The following TGM1 variants were observed in gnomAD, a reference collection of about 807,000 sequenced individuals.
TGM1 encodes protein-glutamine gamma-glutamyltransferase K.
Under a neutral mutation model 88.7 loss-of-function variants are expected in TGM1, and 63 were observed. The observed-to-expected ratio is 0.71, with a 90% confidence interval of 0.58 to 0.88. The LOEUF (loss-of-function observed/expected upper bound fraction) is 0.88, where lower values mean the gene tolerates loss of function less well. Among genes scored for constraint, TGM1 ranks in the 40% least tolerant of loss-of-function variants. The pLI is 0.00. For missense variants in TGM1, 996 were observed against 1,118.0 expected, an observed-to-expected ratio of 0.89 and a Z score of 1.56; for synonymous variants, 415 against 431.1, an observed-to-expected ratio of 0.96 and a Z score of 0.46.
At position 24,260,210 on chromosome 14, in the gene TGM1, ATGAC is replaced by A. The variant is rs1339105249; in HGVS notation, c.758-156_758-153del. On this transcript the variant is annotated intron_variant, in intron 4 of 14. Transcript: ENST00000206765. ...ACTGCTGTGGGAGGACACGGGGAGC[ATGAC>A]AGATGGTGGAGGAGATTGGCTGTAG... 5 of 937,070 alleles carry A rather than the reference ATGAC, an allele frequency of 5.3e-6. No homozygotes were observed. In the African/African-American group the frequency reaches 6.5e-5, roughly 12 times the overall value. The allele number at this position is 937,070 out of a possible 1,614,324, so 58.0% of individuals were successfully genotyped here.
rs202037016 is a variant in TGM1, at chr14:24,259,159, C to T, written c.1075G>A (p.Val359Met). Residue 359 changes from valine (V) to methionine (M), a missense_variant, in exon 7 of 15, where the codon GTG (valine) becomes ATG (methionine). Transcript: ENST00000206765. This position sits in a 1 kb window ranked among gnomAD's most constrained non-coding sequence, Gnocchi z 5.7. ...GTNPSAWVGS[V>M]EILLSYLRTG... Reference sequence around the variant, plus strand: ...CGTAGGTAGCTAAGCAGGATCTCCACGCTGCCCACCCACGCTGATGGGTTG... The same window carrying T: ...CGTAGGTAGCTAAGCAGGATCTCCATGCTGCCCACCCACGCTGATGGGTTG... The T allele has an allele frequency of 1.6e-5, 26 of 1,614,052 alleles. No individual in the cohort carries two copies. The highest frequency in any genetic ancestry group is 2.2e-5 in the East Asian group (1 of 44,894).
chr14:24,258,619 T>C lies in TGM1; in HGVS notation c.1214A>G (p.His405Arg). The C allele has an allele frequency of 6.2e-7, 1 of 1,614,180 alleles. No individual in the cohort carries two copies. Among genetic ancestry groups the C allele is most frequent in the Non-Finnish European group, 8.5e-7 (1 of 1,180,034 alleles). The change falls in exon 8 of 15, where the codon CAC becomes CGC. Residue 405 changes from histidine (H) to arginine (R), a missense_variant. Coordinates refer to ENST00000206765, the MANE Select transcript of TGM1 (RefSeq NM_000359.3). ...CATGGTAAGGGATGTGTCTGTGTCG[T>C]GGGCGGAGTTGAAGTTGGTGACAGT... is the stretch of plus-strand genomic sequence containing the variant. The part of the protein sequence containing the change: ...TRTVTNFNSA[H>R]DTDTSLTMDI...
In TGM1 at chr14:24,254,001, C is replaced by T. The variant is rs142814857; in HGVS notation, c.2225+151G>A. 377 of 1,052,238 alleles carry T rather than the reference C, an allele frequency of 3.6e-4. 1 individual carries two copies. The highest frequency in any genetic ancestry group is 8.8e-4 in the Middle Eastern group (3 of 3,414). The allele number at this position is 1,052,238 out of a possible 1,614,324, so 65.2% of individuals were successfully genotyped here. On this transcript the variant is annotated intron_variant, in intron 14 of 14. Coordinates refer to ENST00000206765, the MANE Select transcript of TGM1 (RefSeq NM_000359.3). ...TAAAGGCTGGTGGGACTGAGCTGGG[C>T]CGGGAGGTATTGCTAGCTGGCCCCA...
At chr14:24,252,122 G>A (rs567285077) in intron 14 of TGM1, among the ~76,000 whole-genome samples, 2 of 152,282 alleles carry the variant, frequency 1.3e-5, no homozygotes, top group East Asian at 1.9e-4. Context: ...TCTGATGTGC[G>A]AATGAGAGGC....
rs778232945 is a variant in TGM1, at chr14:24,259,048, C to G, written c.1159+27G>C. On this transcript the variant is annotated intron_variant, in intron 7 of 14. Coordinates refer to ENST00000206765, the MANE Select transcript of TGM1 (RefSeq NM_000359.3). The surrounding 1 kb of genome is among the most constrained non-coding windows in gnomAD (Gnocchi z 5.7). ...CTCCCTTCTCCCTGTAGGGCCCGGG[C>G]CACTCCTGTCCCAGTCCCTCCACTA... The G allele has an allele frequency of 6.2e-7, 1 of 1,612,912 alleles. No individual in the cohort carries two copies. The highest frequency in any genetic ancestry group is 1.3e-5 in the African/African-American group (1 of 74,920).
intron 4 of TGM1, 85 bp from the exon 5 acceptor site, chr14:24,260,143 T>C (rs1367966176): frequency 3.9e-6 from 5 of 1,267,524 alleles, no homozygotes; most frequent in Admixed American, 1.7e-5. Context: ...GCAGGACTCA[T>C]GTCCACAGAA....
chr14:24,255,606 C>G lies in TGM1; in HGVS notation c.1492-89G>C, dbSNP rs1181683251. On this transcript the variant is annotated intron_variant, in intron 10 of 14. Coordinates refer to ENST00000206765, the MANE Select transcript of TGM1 (RefSeq NM_000359.3). The surrounding 1 kb of genome is among the most constrained non-coding windows in gnomAD (Gnocchi z 4.0). Reference sequence around the variant, plus strand: ...GGCCTCCTTCCCCTGATCCCAGGAGCTATGGGACAGGGCTTGGTCCCAAGG... The same window carrying G: ...GGCCTCCTTCCCCTGATCCCAGGAGGTATGGGACAGGGCTTGGTCCCAAGG... 1.9e-6 allele frequency: 3 copies of G among 1,562,248 alleles called. No individual in the cohort carries two copies. The African/African-American group carries it at 4.1e-5, about 21-fold the overall frequency.
intron 14 of TGM1, among the ~76,000 whole-genome samples, chr14:24,252,232 C>T (rs988946543): frequency 6.6e-6 from 1 of 152,334 alleles, no homozygotes; most frequent in South Asian, 2.1e-4. Flanking sequence ...TCTGGGCTCA[C>T]AGCAGCTAAG....
chr14:24,259,303 C>A lies in TGM1; in HGVS notation c.985-54G>T, dbSNP rs2040784888. The A allele has an allele frequency of 6.5e-7, 1 of 1,534,814 alleles. No homozygotes were observed. Among genetic ancestry groups the A allele is most frequent in the African/African-American group, 1.4e-5 (1 of 73,140 alleles). On this transcript the variant is annotated intron_variant, in intron 6 of 14. Coordinates refer to ENST00000206765, the MANE Select transcript of TGM1 (RefSeq NM_000359.3). This position sits in a 1 kb window ranked among gnomAD's most constrained non-coding sequence, Gnocchi z 5.7. Reference sequence around the variant, plus strand: ...AGGTGGAGGAGGGGCTCAGGACCTGCCATGTGGTCCATGGGGACCAGCCGG... The same window carrying A: ...AGGTGGAGGAGGGGCTCAGGACCTGACATGTGGTCCATGGGGACCAGCCGG...
In TGM1 at chr14:24,260,645, C is replaced by G. The variant is rs760139170; in HGVS notation, c.562G>C (p.Gly188Arg). The G allele has an allele frequency of 6.8e-6, 11 of 1,614,186 alleles. No homozygotes were observed. Among genetic ancestry groups the G allele is most frequent in the Middle Eastern group, 1.6e-4 (1 of 6,062 alleles). ...GTHVIIPVGK[G>R]GSGGWKAQVV... ...TGGGCTTTCCAGCCTCCACTGCCCC[C>G]CTTGCCCACTGGGATGATCACGTGC... Residue 188 changes from glycine (G) to arginine (R), a missense_variant, in exon 4 of 15, where the codon GGG becomes CGG. By Grantham distance (125) the Gly-to-Arg change is moderately radical. Coordinates refer to ENST00000206765, the MANE Select transcript of TGM1 (RefSeq NM_000359.3).
At position 24,261,275 on chromosome 14, in the gene TGM1, G is replaced by A. The variant is rs8012492; in HGVS notation, c.508+420C>T. Among the ~76,000 whole-genome samples, 248 of 152,184 alleles carry A rather than the reference G, an allele frequency of 1.6e-3. 1 individual carries two copies. Among genetic ancestry groups the A allele is most frequent in the African/African-American group, 5.7e-3 (237 of 41,534 alleles). On this transcript the variant is annotated intron_variant, in intron 3 of 14. Coordinates refer to ENST00000206765, the MANE Select transcript of TGM1 (RefSeq NM_000359.3). ...CGCGGTAAGGGAGGCACCTGCCTTG[G>A]GTCATGGGGACAGAGGGACAGAGAC...
chr14:24,258,184 G>T, intron 9 of TGM1, 101 bp downstream of exon 9: 3 of 949,304 alleles, frequency 3.2e-6, no homozygotes, highest in Non-Finnish European at 4.9e-6. Flanking sequence ...GGGTTACATG[G>T]CTTGGCTCTC....
At position 24,249,555 on chromosome 14, in the gene TGM1, C is replaced by T; in HGVS notation, c.2226-14G>A. The T allele has an allele frequency of 6.2e-7, 1 of 1,611,386 alleles. No individual in the cohort carries two copies. Among genetic ancestry groups the T allele is most frequent in the Non-Finnish European group, 8.5e-7 (1 of 1,178,486 alleles). On this transcript the variant is annotated splice_polypyrimidine_tract_variant and intron_variant, in intron 14 of 14. Transcript: ENST00000206765. ...CCTCCAATGTCCCTGTGGGCAGAGACAAGGTCATGGGCCTGGAGTAATTGG... is the reference window on the plus strand; with the variant it reads ...CCTCCAATGTCCCTGTGGGCAGAGATAAGGTCATGGGCCTGGAGTAATTGG...
At chr14:24,254,328 T>TGGCCGC in intron 13 of TGM1, 40 bp from the exon 14 acceptor site, 1 of 1,613,706 alleles carries the variant, frequency 6.2e-7, no homozygotes, top group Non-Finnish European at 8.5e-7. Flanking sequence ...TCAGAGACCC[T>TGGCCGC]GGCCAAACAC....
rs768344716 is a variant in TGM1, at chr14:24,254,278, G to T, written c.2099C>A (p.Ala700Glu). Residue 700 changes from alanine to glutamate, a missense_variant, in exon 14 of 15, where the codon GCA (alanine) becomes GAA (glutamate). Physicochemically the swap from Ala to Glu is moderately radical, Grantham distance 107. Coordinates refer to ENST00000206765, the MANE Select transcript of TGM1 (RefSeq NM_000359.3). The stretch of plus-strand genomic sequence containing the variant: ...TTCACACTCCTGGCCAACCACTGCT[G>T]CTCCCAGTAACTGAGAGAAAAAGAG... ...TPDLSLTLLG[A>E]AVVGQECEVQ... The T allele has an allele frequency of 3.7e-6, 6 of 1,613,932 alleles. No individual in the cohort carries two copies. The highest frequency in any genetic ancestry group is 1.7e-5 in the Admixed American group (1 of 60,000).
intron 14 of TGM1, among the ~76,000 whole-genome samples, chr14:24,252,512 CAAGACTAGCAGAGCAGGCT>C (rs1404448833): frequency 6.6e-6 from 1 of 152,176 alleles, no homozygotes; most frequent in Non-Finnish European, 1.5e-5. Flanking sequence ...GCCTGCTGGG[CAAGACTAGCAGAGCAGGCT>C]ACCCGGGGGG....
At chr14:24,258,741 A>G in intron 7 of TGM1, 68 bp from the exon 8 acceptor site, 1 of 1,599,602 alleles carries the variant, frequency 6.3e-7, no homozygotes. Context: ...TGTCAGGAGT[A>G]TCAGGGGGAG....
At position 24,258,764 on chromosome 14, in the gene TGM1, G is replaced by A. The variant is rs543269646; in HGVS notation, c.1160-91C>T. On this transcript the variant is annotated intron_variant, in intron 7 of 14. Transcript: ENST00000206765. Reference sequence around the variant, plus strand: ...GTATCAGGGGGAGAAGGGCAACTAGGATTGCCAAGCTGGGCATAGACTGCC... The same window carrying A: ...GTATCAGGGGGAGAAGGGCAACTAGAATTGCCAAGCTGGGCATAGACTGCC... 31 of 1,560,734 alleles carry A rather than the reference G, an allele frequency of 2.0e-5. No homozygotes were observed. In the South Asian group the frequency reaches 3.6e-4, roughly 18 times the overall value.
At chr14:24,252,445 C>T (rs543194814) in intron 14 of TGM1, among the ~76,000 whole-genome samples, 8 of 152,314 alleles carry the variant, frequency 5.3e-5, no homozygotes, top group South Asian at 2.1e-4. Flanking sequence ...TCCAGCTCTG[C>T]GGATCCCTTA....
Sources: allele counts gnomAD v4.1 joint callset (sites outside exome capture counted in the v4.1 genomes callset), GRCh38; gene constraint gnomAD v4.1.1; non-coding constraint Gnocchi (gnomAD v3.1); transcripts MANE v1.5; gene names NCBI Gene and HGNC (gene_info 2026-07-23, HGNC 2026-07-21).